The following LMBR1 variants were observed in gnomAD, a reference collection of about 807,000 sequenced individuals.
LMBR1 encodes the protein limb development membrane protein 1.
A neutral mutation model predicts 73.9 loss-of-function variants in LMBR1; 52 were observed. The observed-to-expected ratio is 0.70, with a 90% confidence interval of 0.56 to 0.89. The LOEUF is 0.89. Among genes scored for constraint, LMBR1 ranks in the 40% least tolerant of loss-of-function variants. LMBR1 has a pLI of 0.00. For missense variants in LMBR1, 539 were observed against 579.8 expected (o/e 0.93, Z 0.72); for synonymous variants, 215 against 209.4 (o/e 1.03, Z -0.23).
chr7:156,846,265 G>C (rs547210190), intron 1 of LMBR1, among the ~76,000 whole-genome samples: 37 of 151,976 alleles, frequency 2.4e-4, no homozygotes, highest in African/African-American at 8.7e-4. Context: ...ATGACAGATA[G>C]AAACCCTGTC....
At chr7:156,732,643 T>C (rs1472620600) in intron 10 of LMBR1, among the ~76,000 whole-genome samples, 1 of 152,144 alleles carries the variant, frequency 6.6e-6, no homozygotes, top group East Asian at 1.9e-4. Context: ...TAGTTGCTTC[T>C]TCCACAAGAC....
At chr7:156,832,063 T>C (rs1412679000) in intron 3 of LMBR1, among the ~76,000 whole-genome samples, 1 of 152,224 alleles carries the variant, frequency 6.6e-6, no homozygotes, top group African/African-American at 2.4e-5. Context: ...GTCACAGGGC[T>C]AAGAATAAAA....
intron 9 of LMBR1, among the ~76,000 whole-genome samples, chr7:156,739,468 T>A (rs1818497095): frequency 1.3e-5 from 2 of 152,052 alleles, no homozygotes; most frequent in African/African-American, 4.8e-5. Flanking sequence ...AGCCAAGCAG[T>A]GTTTACAGTG....
chr7:156,736,844 T>C (rs1817963914), intron 9 of LMBR1, among the ~76,000 whole-genome samples: 1 of 152,242 alleles, frequency 6.6e-6, no homozygotes, highest in Non-Finnish European at 1.5e-5. Context: ...TAATTTTCTA[T>C]GTACTTAACA....
intron 15 of LMBR1, among the ~76,000 whole-genome samples, chr7:156,689,150 A>G (rs1017853511): frequency 6.6e-6 from 1 of 152,212 alleles, no homozygotes; most frequent in Non-Finnish European, 1.5e-5. Context: ...CTGGAAAAAA[A>G]TACATGAATG....
chr7:156,814,859 C>G (rs1264848594), intron 4 of LMBR1, among the ~76,000 whole-genome samples: 1 of 152,072 alleles, frequency 6.6e-6, no homozygotes, highest in East Asian at 1.9e-4. Flanking sequence ...GTCTCAACAT[C>G]ATAAAAATGG....
At chr7:156,849,369 G>C (rs1274088055) in intron 1 of LMBR1, among the ~76,000 whole-genome samples, 2 of 152,156 alleles carry the variant, frequency 1.3e-5, no homozygotes, top group African/African-American at 2.4e-5. Flanking sequence ...GGATGGGAGG[G>C]AGAGGATGGA....
At position 156,695,018 on chromosome 7, in the gene LMBR1, G is replaced by A. The variant is rs562571835; in HGVS notation, c.1226-6827C>T. 1.1e-3 allele frequency among the ~76,000 whole-genome samples: 161 copies of A among 152,294 alleles called. 1 individual carries two copies. Among genetic ancestry groups the A allele is most frequent in the African/African-American group, 3.8e-3 (158 of 41,556 alleles). On this transcript the variant is annotated intron_variant, in intron 15 of 16. Transcript: ENST00000353442. ...GTTTTATAGATTCAATACAATCCCA[G>A]TCAAAATCCTAGCAGATGTGGTGGC...
At chr7:156,811,117 T>G (rs1445399013) in intron 4 of LMBR1, among the ~76,000 whole-genome samples, 1 of 152,128 alleles carries the variant, frequency 6.6e-6, no homozygotes, top group Non-Finnish European at 1.5e-5. Context: ...AGCCCCACTT[T>G]TGAATAGTTT....
intron 4 of LMBR1, among the ~76,000 whole-genome samples, chr7:156,804,617 G>A (rs1331863042): frequency 6.6e-6 from 1 of 152,068 alleles, no homozygotes; most frequent in African/African-American, 2.4e-5. Flanking sequence ...GTGAACATCT[G>A]TTCATGAGCT....
chr7:156,821,960 T>C (rs1375611482), intron 4 of LMBR1, among the ~76,000 whole-genome samples: 1 of 152,252 alleles, frequency 6.6e-6, no homozygotes, highest in Non-Finnish European at 1.5e-5. Context: ...CAAATATTTA[T>C]TTATTTAAAC....
intron 9 of LMBR1, among the ~76,000 whole-genome samples, chr7:156,749,690 G>A (rs1262574440): frequency 6.6e-6 from 1 of 152,002 alleles, no homozygotes; most frequent in East Asian, 1.9e-4. Context: ...TCAATGGCAA[G>A]GACTTTTTCG....
At chr7:156,832,986 G>GT (rs1836956325) in intron 3 of LMBR1, among the ~76,000 whole-genome samples, 1 of 152,170 alleles carries the variant, frequency 6.6e-6, no homozygotes, top group Non-Finnish European at 1.5e-5. Context: ...AGTGTGAGTG[G>GT]TACCGCTGTC....
chr7:156,752,137 A>T (rs1386192165), intron 9 of LMBR1, among the ~76,000 whole-genome samples: 1 of 152,244 alleles, frequency 6.6e-6, no homozygotes, highest in African/African-American at 2.4e-5. Context: ...GTGGAATAAA[A>T]GACATTTCGA....
chr7:156,813,448 A>C (rs1282069625), intron 4 of LMBR1, among the ~76,000 whole-genome samples: 1 of 152,242 alleles, frequency 6.6e-6, no homozygotes, highest in Admixed American at 6.5e-5. Context: ...CTCTCAACAT[A>C]CAACTCAACA....
intron 4 of LMBR1, among the ~76,000 whole-genome samples, chr7:156,801,252 C>T (rs1049713348): frequency 4.6e-5 from 7 of 152,156 alleles, no homozygotes; most frequent in African/African-American, 7.2e-5. Flanking sequence ...GCCACGGTCA[C>T]GCAACCTTTA....
rs770670942 is a variant in LMBR1 at position 156,724,157 on chromosome 7, T to C, written c.1180A>G (p.Ile394Val). The change falls in exon 15 of 17, where the codon ATC becomes GTC. Residue 394 changes from isoleucine (I) to valine (V), a missense_variant. Around this residue, in one of 3 missense-constraint regions of LMBR1, gnomAD observed 454 missense variants for 473.4 expected, o/e 0.96. Transcript: ENST00000353442. Reference protein sequence around the residue: ...MTKIIGNCVSILVLSSALPVM... With the variant: ...MTKIIGNCVSVLVLSSALPVM... ...GGCAGAGCAGAGCTCAAAACCAAGA[T>C]GGACACACAATTTCCAATGATCTGT... The C allele has an allele frequency of 1.9e-6, 3 of 1,610,966 alleles. No homozygotes were observed. Among genetic ancestry groups the C allele is most frequent in the South Asian group, 2.2e-5 (2 of 90,722 alleles).
chr7:156,892,846 C>T, intron 1 of LMBR1, 82 bp downstream of exon 1: 2 of 685,688 alleles, frequency 2.9e-6, no homozygotes, highest in Non-Finnish European at 3.8e-6. Context: ...GTGAGGGGTC[C>T]GGGGACCGGG....
chr7:156,871,749 T>C (rs1215774509), intron 1 of LMBR1, among the ~76,000 whole-genome samples: 6 of 152,196 alleles, frequency 3.9e-5, no homozygotes, highest in African/African-American at 7.2e-5. Flanking sequence ...CACCCTTTCA[T>C]GGTAAAAACT....
Sources: allele counts gnomAD v4.1 joint callset (sites outside exome capture counted in the v4.1 genomes callset), GRCh38; gene constraint gnomAD v4.1.1; regional missense constraint gnomAD v4.1.1; transcripts MANE v1.5; gene names NCBI Gene and HGNC (gene_info 2026-07-23, HGNC 2026-07-21).